MYH9: variants seen among roughly 807,000 people sequenced by gnomAD.
MYH9 encodes the protein myosin heavy chain 9, also known as myosin-9.
A neutral mutation model predicts 241.9 loss-of-function variants in MYH9; 29 were observed. That is an observed-to-expected ratio of 0.12 (90% CI 0.09 to 0.16). The LOEUF is 0.16. Among genes scored for constraint, MYH9 ranks in the 10% least tolerant of loss-of-function variants. MYH9 has a pLI of 1.00. For synonymous variants in MYH9, 1,047 were observed against 1,062.6 expected, an observed-to-expected ratio of 0.99 and a Z score of 0.29; for missense variants, 1,803 against 2,595.5, an observed-to-expected ratio of 0.69 and a Z score of 6.63.
intron 5 of MYH9, 86 bp from the exon 6 acceptor site, chr22:36,322,607 A>G (rs2146365491): frequency 1.5e-6 from 2 of 1,322,264 alleles, no homozygotes; most frequent in East Asian, 4.6e-5. Context: ...ACGATGGCAG[A>G]GCCGTGTCAG....
At chr22:36,360,857 G>A (rs2017926005) in intron 1 of MYH9, among the ~76,000 whole-genome samples, 1 of 152,204 alleles carries the variant, frequency 6.6e-6, no homozygotes, top group African/African-American at 2.4e-5. Context: ...AGAAGAGCTG[G>A]ATTTGAGTCC....
intron 1 of MYH9, among the ~76,000 whole-genome samples, chr22:36,352,179 C>G (rs1398438654): frequency 1.3e-5 from 2 of 152,180 alleles, no homozygotes; most frequent in Non-Finnish European, 2.9e-5. Context: ...CCCTAACTGT[C>G]CCCACGAGCT....
chr22:36,301,508 T>C, intron 21 of MYH9, 26 bp downstream of exon 21: 1 of 1,612,004 alleles, frequency 6.2e-7, no homozygotes, highest in Non-Finnish European at 8.5e-7. Context: ...TCGTGCGACC[T>C]GGACTGAGCC....
At chr22:36,298,068 ATC>A (rs1227963675) in intron 24 of MYH9, among the ~76,000 whole-genome samples, 3 of 151,956 alleles carry the variant, frequency 2.0e-5, no homozygotes, top group Admixed American at 6.6e-5. Context: ...GAGGGAAGAG[ATC>A]TCTCTGTGTC....
In MYH9 at chr22:36,320,806, T is replaced by G. The variant is rs768214654; in HGVS notation, c.860A>C (p.His287Pro). The G allele has an allele frequency of 1.2e-6, 2 of 1,613,752 alleles. No individual in the cohort carries two copies. The highest frequency in any genetic ancestry group is 1.7e-6 in the Non-Finnish European group (2 of 1,179,700). Reference sequence around the variant, plus strand: ...GCAGGCCAACTACTCACTCTTCAGGTGCTCTCCAGCCCCAGACAGGAGATA... The same window carrying G: ...GCAGGCCAACTACTCACTCTTCAGGGGCTCTCCAGCCCCAGACAGGAGATA... ...FYYLLSGAGEHLKTDLLLEPY... is the reference protein window; with the variant it reads ...FYYLLSGAGEPLKTDLLLEPY... The change falls in exon 8 of 41, where the codon CAC becomes CCC. Residue 287 changes from histidine to proline, a missense_variant. By Grantham distance (77) the His-to-Pro change is moderately conservative (BLOSUM62 -2). Transcript: ENST00000216181. This position sits in a 1 kb window ranked among gnomAD's most constrained non-coding sequence, Gnocchi z 4.8.
Position 36,377,635 on chromosome 22 carries a change from T to C in MYH9, c.-20+10172A>G, listed in dbSNP as rs554787939. Among the ~76,000 whole-genome samples the C allele has an allele frequency of 8.5e-4, 130 of 152,084 alleles. 1 individual carries two copies. The Middle Eastern group carries it at 0.014, about 16-fold the overall frequency. ...TCTCTAAAACTTGAACCTGGCCGGG[T>C]GCGGTGGCTCACGCCTGTAATCTCA... On this transcript the variant is annotated intron_variant, in intron 1 of 40. Coordinates refer to ENST00000216181, the MANE Select transcript of MYH9 (RefSeq NM_002473.6).
intron 1 of MYH9, among the ~76,000 whole-genome samples, chr22:36,380,113 C>A (rs2018233401): frequency 6.6e-6 from 1 of 152,204 alleles, no homozygotes; most frequent in Non-Finnish European, 1.5e-5. Context: ...GTGTGACTCA[C>A]ACCATTCCCC....
rs764018897 is a variant in MYH9, at chr22:36,295,666, C to T, written c.3324G>A (p.Glu1108=). 2 of 1,613,892 alleles carry T rather than the reference C, an allele frequency of 1.2e-6. No individual in the cohort carries two copies. Among genetic ancestry groups the T allele is most frequent in the South Asian group, 2.2e-5 (2 of 91,050 alleles). ...GGAGTTCAGAGATCTGAGATTCCAG[C>T]TCCCGGATCTTCTTGAGGGCCATGT... ...QKNMALKKIR[E]LESQISELQE... The change falls in exon 26 of 41, where the codon GAG becomes GAA. Residue 1108 remains glutamate (E), a synonymous_variant. Transcript: ENST00000216181. This position sits in a 1 kb window ranked among gnomAD's most constrained non-coding sequence, Gnocchi z 4.1.
intron 21 of MYH9, 107 bp from the exon 22 acceptor site, chr22:36,301,164 A>G: frequency 9.1e-7 from 1 of 1,099,796 alleles, no homozygotes; most frequent in Non-Finnish European, 1.4e-6. Context: ...AGGAACATGC[A>G]GACAAAAGTA....
chr22:36,282,853 C>T (rs1293113235), intron 40 of MYH9, 68 bp from the exon 41 acceptor site: 45 of 1,362,310 alleles, frequency 3.3e-5, no homozygotes, highest in Non-Finnish European at 4.3e-5. Context: ...CAGCACAGCC[C>T]ACACATCTCA....
Position 36,322,525 on chromosome 22 carries a change from C to A in MYH9, c.613-4G>T, listed in dbSNP as rs531534267. The A allele has an allele frequency of 4.3e-6, 7 of 1,613,540 alleles. No individual in the cohort carries two copies. Among genetic ancestry groups the A allele is most frequent in the Non-Finnish European group, 5.9e-6 (7 of 1,179,940 alleles). ...GCAGCTGCCGCTCCAGCTCGCCCTG[C>A]AAGGAACCCAGGGACGCAGTGAAGG... On this transcript the variant is annotated splice_region_variant and splice_polypyrimidine_tract_variant and intron_variant, in intron 5 of 40. Transcript: ENST00000216181.
At chr22:36,382,959 A>G (rs1196957814) in intron 1 of MYH9, among the ~76,000 whole-genome samples, 1 of 152,006 alleles carries the variant, frequency 6.6e-6, no homozygotes, top group Non-Finnish European at 1.5e-5. Context: ...AGTATTTCAC[A>G]CCTGTAACCC....
intron 1 of MYH9, among the ~76,000 whole-genome samples, chr22:36,379,464 G>A (rs1475027323): frequency 1.3e-5 from 2 of 152,136 alleles, no homozygotes; most frequent in Non-Finnish European, 2.9e-5. Flanking sequence ...AGCTGAGATC[G>A]CGCCACTGCA....
At chr22:36,317,238 CCT>C (rs771724089) in intron 11 of MYH9, among the ~76,000 whole-genome samples, 1 of 152,164 alleles carries the variant, frequency 6.6e-6, no homozygotes, top group African/African-American at 2.4e-5. Context: ...TACACTCTCC[CCT>C]CTTCTTTGTT....
intron 18 of MYH9, among the ~76,000 whole-genome samples, chr22:36,304,722 T>C (rs1385231145): frequency 1.3e-5 from 2 of 152,026 alleles, no homozygotes; most frequent in Non-Finnish European, 2.9e-5. Flanking sequence ...GGATGTGGAG[T>C]CAGGCCCGTG....
At position 36,285,378 on chromosome 22, in the gene MYH9, G is replaced by A; in HGVS notation, c.5275-49C>T. The A allele has an allele frequency of 6.3e-7, 1 of 1,574,998 alleles. No homozygotes were observed. Among genetic ancestry groups the A allele is most frequent in the Non-Finnish European group, 8.7e-7 (1 of 1,155,838 alleles). ...TTGGGGAGGGCTGGGGCCCTGGCTG[G>A]AGGGCATGAGCAGGGCCAGAGGAAG... On this transcript the variant is annotated intron_variant, in intron 37 of 40. Coordinates refer to ENST00000216181, the MANE Select transcript of MYH9 (RefSeq NM_002473.6). The surrounding 1 kb of genome is among the most constrained non-coding windows in gnomAD (Gnocchi z 7.0).
chr22:36,299,281 C>T (rs1175394698), intron 23 of MYH9, among the ~76,000 whole-genome samples: 1 of 152,218 alleles, frequency 6.6e-6, no homozygotes, highest in Non-Finnish European at 1.5e-5. Context: ...CCTTCCCCTT[C>T]CCCTGTGGGC....
Position 36,349,194 on chromosome 22 carries a change from T to C in MYH9, c.43A>G (p.Asn15Asp), listed in dbSNP as rs1478280355. Residue 15 changes from asparagine to aspartate, a missense_variant, in exon 2 of 41, where the codon AAC becomes GAC. By Grantham distance (23) the Asn-to-Asp change is conservative. Transcript: ENST00000216181. ...TGGGCCAGCGGATTGTTGATGAAGT[T>C]TTTATCCACATAGAGATACTTATCG... ...AADKYLYVDK[N>D]FINNPLAQAD... is the part of the protein sequence containing the mutation. 6.2e-7 allele frequency: 1 copy of C among 1,614,206 alleles called. No individual in the cohort carries two copies. The highest frequency in any genetic ancestry group is 1.1e-5 in the South Asian group (1 of 91,086).
intron 13 of MYH9, among the ~76,000 whole-genome samples, chr22:36,313,090 C>A (rs868301458): frequency 6.3e-5 from 9 of 142,216 alleles, no homozygotes; most frequent in Non-Finnish European, 4.5e-5. Context: ...AAATCTGTCT[C>A]AAAAAAAAAA....
Sources: allele counts gnomAD v4.1 joint callset (sites outside exome capture counted in the v4.1 genomes callset), GRCh38; gene constraint gnomAD v4.1.1; non-coding constraint Gnocchi (gnomAD v3.1); transcripts MANE v1.5; gene names NCBI Gene and HGNC (gene_info 2026-07-23, HGNC 2026-07-21).